Variants in SHISA6 observed in about 807,000 individuals in gnomAD.
SHISA6 encodes the protein protein shisa-6.
A neutral mutation model predicts 47.9 loss-of-function variants in SHISA6; 22 were observed. The ratio of observed to expected loss-of-function variants is 0.46; its 90% CI spans 0.33 to 0.66. The LOEUF is 0.66. Among genes scored for constraint, SHISA6 ranks in the 30% least tolerant of loss-of-function variants. The probability of loss-of-function intolerance (pLI) is 0.02; values close to 1 mark genes in which losing one functional copy is unlikely to be tolerated. For missense variants in SHISA6, 680 were observed against 764.6 expected (o/e 0.89, Z 1.30); for synonymous variants, 388 against 337.8 (o/e 1.15, Z -1.63).
At chr17:11,440,790 A>C (rs1915074390) in intron 3 of SHISA6, among the ~76,000 whole-genome samples, 1 of 151,924 alleles carries the variant, frequency 6.6e-6, no homozygotes, top group Non-Finnish European at 1.5e-5. Flanking sequence ...TGCTTCCAAC[A>C]TTCAAATGGA....
chr17:11,543,494 A>C (rs1223387139), intron 3 of SHISA6, among the ~76,000 whole-genome samples: 1 of 152,206 alleles, frequency 6.6e-6, no homozygotes, highest in African/African-American at 2.4e-5. Flanking sequence ...TGCCACGTTT[A>C]GGGATTGGAA....
At chr17:11,489,175 T>C (rs962155801) in intron 3 of SHISA6, among the ~76,000 whole-genome samples, 1 of 152,112 alleles carries the variant, frequency 6.6e-6, no homozygotes, top group African/African-American at 2.4e-5. Flanking sequence ...ATTCCCTTTG[T>C]TTAGGGAGAA....
At chr17:11,438,892 G>A (rs918469176) in intron 3 of SHISA6, among the ~76,000 whole-genome samples, 3 of 152,162 alleles carry the variant, frequency 2.0e-5, no homozygotes, top group Admixed American at 6.5e-5. Context: ...CCAAGACGAA[G>A]ATTCATGTGC....
intron 3 of SHISA6, among the ~76,000 whole-genome samples, chr17:11,475,344 TG>T (rs774023329): frequency 4.7e-4 from 72 of 152,312 alleles, no homozygotes; most frequent in Non-Finnish European, 7.1e-4. Context: ...AGAGGGGGCA[TG>T]GCTGCCTTGT....
intron 3 of SHISA6, among the ~76,000 whole-genome samples, chr17:11,489,849 A>G (rs1299766315): frequency 3.9e-5 from 6 of 152,180 alleles, no homozygotes; most frequent in African/African-American, 9.7e-5. Flanking sequence ...ACATCCTACA[A>G]TGCACAGAGC....
At chr17:11,381,470 GGCA>G (rs1913005358) in intron 3 of SHISA6, among the ~76,000 whole-genome samples, 1 of 152,170 alleles carries the variant, frequency 6.6e-6, no homozygotes, top group Non-Finnish European at 1.5e-5. Context: ...AATTAAAGCA[GGCA>G]GCAGGGAGTG....
chr17:11,344,999 T>C (rs946351504), intron 2 of SHISA6, among the ~76,000 whole-genome samples: 4 of 152,172 alleles, frequency 2.6e-5, no homozygotes, highest in Non-Finnish European at 5.9e-5. Flanking sequence ...AGCTCAACTA[T>C]TTAGCTCCCA....
intron 3 of SHISA6, among the ~76,000 whole-genome samples, chr17:11,522,957 C>T (rs1026489077): frequency 6.6e-6 from 1 of 152,232 alleles, no homozygotes; most frequent in Non-Finnish European, 1.5e-5. Context: ...GTCACTATCT[C>T]CAGAGCTGCT....
intron 3 of SHISA6, among the ~76,000 whole-genome samples, chr17:11,409,962 G>A (rs1026442317): frequency 3.3e-5 from 5 of 152,104 alleles, no homozygotes; most frequent in African/African-American, 1.2e-4. Flanking sequence ...GAAGATGAAA[G>A]GTTATATGGA....
At position 11,555,833 on chromosome 17, in the gene SHISA6, C is replaced by G. The variant is rs779639092; in HGVS notation, c.1046C>G (p.Pro349Arg). 3.9e-6 allele frequency: 6 copies of G among 1,551,878 alleles called. No homozygotes were observed. In the South Asian group the frequency reaches 7.1e-5, roughly 18 times the overall value. ...RSFQNLAHLP[P>R]SYESAVKTNP... is the part of the protein sequence containing the mutation. ...TTCCAGAACTTGGCCCACCTGCCCC[C>G]ATCCTACGAGTCTGCAGTAAAGACC... The change falls in exon 5 of 6, where the codon CCA (proline) becomes CGA (arginine). Residue 349 changes from proline to arginine, a missense_variant. Pro to Arg is a moderately radical substitution (Grantham distance 103, BLOSUM62 -2). This residue lies in a region of SHISA6 where 559 missense variants were observed against 674.1 expected (regional missense o/e 0.83). Transcript: ENST00000441885.
At chr17:11,286,073 T>C (rs116394090) in intron 2 of SHISA6, among the ~76,000 whole-genome samples, 1,544 of 152,150 alleles carry the variant, frequency 0.01, 28 homozygotes, top group African/African-American at 0.035. Flanking sequence ...CCTGAACTCG[T>C]AGGTGAGACC....
At chr17:11,511,333 G>A (rs2071539761) in intron 3 of SHISA6, among the ~76,000 whole-genome samples, 2 of 152,010 alleles carry the variant, frequency 1.3e-5, no homozygotes, top group Non-Finnish European at 2.9e-5. Context: ...AATACCTAAC[G>A]CATGAGGGAC....
chr17:11,533,587 AT>A (rs3038696), intron 3 of SHISA6, among the ~76,000 whole-genome samples: 1,335 of 95,032 alleles, frequency 0.014, 19 homozygotes, highest in Middle Eastern at 0.049. Flanking sequence ...CCCTTTCATT[AT>A]TTTTTTTTTT....
rs777586715 is a variant in SHISA6 at position 11,267,611 on chromosome 17, C to T, written c.799+4085C>T. On this transcript the variant is annotated intron_variant, in intron 2 of 5. Transcript: ENST00000441885. Reference sequence around the variant, plus strand: ...TCTCCTGTCCAGAAAACTTTGAGAACTGAGCTCTTAAAGTTTTGAGGGAAC... The same window carrying T: ...TCTCCTGTCCAGAAAACTTTGAGAATTGAGCTCTTAAAGTTTTGAGGGAAC... Among the ~76,000 whole-genome samples the T allele has an allele frequency of 1.2e-4, 18 of 152,178 alleles. 1 individual carries two copies. Among genetic ancestry groups the T allele is most frequent in the Admixed American group, 6.5e-4 (10 of 15,282 alleles).
intron 3 of SHISA6, among the ~76,000 whole-genome samples, chr17:11,511,967 C>G (rs1380017633): frequency 6.6e-6 from 1 of 152,220 alleles, no homozygotes; most frequent in Non-Finnish European, 1.5e-5. Flanking sequence ...ATTCAAGAGA[C>G]TCGGATTCTA....
chr17:11,386,173 C>G (rs972494573), intron 3 of SHISA6, among the ~76,000 whole-genome samples: 1 of 152,132 alleles, frequency 6.6e-6, no homozygotes, highest in African/African-American at 2.4e-5. Flanking sequence ...GTCAAGAGTT[C>G]AAGACCAGTC....
intron 2 of SHISA6, among the ~76,000 whole-genome samples, chr17:11,376,525 C>A (rs1160647256): frequency 6.6e-6 from 1 of 151,998 alleles, no homozygotes; most frequent in Non-Finnish European, 1.5e-5. Flanking sequence ...GGGGTTTTGC[C>A]ATGTTAGCCA....
At chr17:11,548,185 G>T (rs565293121) in intron 3 of SHISA6, among the ~76,000 whole-genome samples, 3 of 152,158 alleles carry the variant, frequency 2.0e-5, no homozygotes, top group African/African-American at 7.2e-5. Flanking sequence ...CCCAAAATTG[G>T]TGTTGTGCAG....
intron 3 of SHISA6, among the ~76,000 whole-genome samples, chr17:11,514,911 T>G (rs558601899): frequency 4.7e-4 from 72 of 152,168 alleles, no homozygotes; most frequent in Non-Finnish European, 9.3e-4. Flanking sequence ...ATGCCCCAAA[T>G]AAATAATACA....
Sources: gnomAD v4.1 joint callset for allele counts (sites outside exome capture counted in the v4.1 genomes callset) on GRCh38, gnomAD v4.1.1 for gene constraint, gnomAD v4.1.1 regional missense constraint, MANE v1.5 for transcripts, NCBI Gene and HGNC (gene_info 2026-07-23, HGNC 2026-07-21) for gene names.